INSYN2A: variants seen among roughly 807,000 people sequenced by gnomAD.
INSYN2A encodes the protein inhibitory synaptic factor 2A.
In INSYN2A, 17 loss-of-function variants were observed where a neutral mutation model predicts 39.4. The observed-to-expected ratio is 0.43, with a 90% CI of 0.30 to 0.65. INSYN2A has a LOEUF of 0.65. Among genes scored for constraint, INSYN2A ranks in the 30% least tolerant of loss-of-function variants. INSYN2A has a pLI of 0.14. For synonymous variants in INSYN2A, 255 were observed against 265.7 expected (o/e 0.96, Z 0.39); for missense variants, 595 against 631.2 (o/e 0.94, Z 0.61).
chr10:127,156,874 A>G (rs2053138753), intron 4 of INSYN2A, among the ~76,000 whole-genome samples: 1 of 152,080 alleles, frequency 6.6e-6, no homozygotes, highest in Non-Finnish European at 1.5e-5. Context: ...GGCCCGAGAT[A>G]TTGCTCTTCT....
At chr10:127,157,365 T>G (rs1334418) in intron 4 of INSYN2A, among the ~76,000 whole-genome samples, 1 of 151,852 alleles carries the variant, frequency 6.6e-6, no homozygotes, top group Admixed American at 6.6e-5. Flanking sequence ...CAGGTGAGAG[T>G]GGGGAGAGAT....
chr10:127,192,868 G>A (rs1213373705), intron 1 of INSYN2A, 138 bp from the exon 2 acceptor site: 1 of 152,166 alleles, frequency 6.6e-6, no homozygotes, highest in East Asian at 1.9e-4. Flanking sequence ...GTTCCTGCAA[G>A]TCTGTATTCT....
intron 4 of INSYN2A, among the ~76,000 whole-genome samples, chr10:127,174,740 A>T (rs1458995917): frequency 6.6e-6 from 1 of 152,182 alleles, no homozygotes. Context: ...TATTATTTCA[A>T]TTATTTATTA....
At chr10:127,164,872 T>C (rs1348428273) in intron 4 of INSYN2A, among the ~76,000 whole-genome samples, 1 of 152,306 alleles carries the variant, frequency 6.6e-6, no homozygotes, top group East Asian at 1.9e-4. Context: ...ATGACAATGA[T>C]ACAAACAAGT....
At chr10:127,144,698 C>T (rs2051622658) in intron 5 of INSYN2A, among the ~76,000 whole-genome samples, 1 of 152,050 alleles carries the variant, frequency 6.6e-6, no homozygotes, top group Admixed American at 6.5e-5. Flanking sequence ...GGATCTCATC[C>T]TAATAGTTTA....
At chr10:127,155,204 C>T (rs2052920599) in intron 4 of INSYN2A, among the ~76,000 whole-genome samples, 1 of 152,156 alleles carries the variant, frequency 6.6e-6, no homozygotes, top group South Asian at 2.1e-4. Context: ...GTAAACTTCT[C>T]TGCATCATGG....
In INSYN2A at chr10:127,175,039, T is replaced by A. The variant is rs2054952382; in HGVS notation, c.1184+173A>T. Among the ~76,000 whole-genome samples, 1 of 152,050 alleles carries A rather than the reference T, an allele frequency of 6.6e-6. No homozygotes were observed. The highest frequency in any genetic ancestry group is 1.5e-5 in the Non-Finnish European group (1 of 67,992). ...GCGTATCGTGCAGGATGCAGTGACG[T>A]CTAGTATCATAAAATAATCTGCGAC... is the stretch of plus-strand genomic sequence containing the variant. On this transcript the variant is annotated intron_variant, in intron 4 of 5. Coordinates refer to ENST00000522781, the MANE Select transcript of INSYN2A (RefSeq NM_001039762.3). The surrounding 1 kb of genome is among the most constrained non-coding windows in gnomAD (Gnocchi z 6.3).
At chr10:127,151,081 T>C (rs2052440640) in intron 5 of INSYN2A, among the ~76,000 whole-genome samples, 1 of 152,230 alleles carries the variant, frequency 6.6e-6, no homozygotes, top group Non-Finnish European at 1.5e-5. Context: ...GGACCAGAAG[T>C]GAACTTTCAC....
chr10:127,137,802 TA>T lies in INSYN2A; in HGVS notation c.*34del, dbSNP rs1398635417. 1 of 1,586,332 alleles carries T rather than the reference TA, an allele frequency of 6.3e-7. No homozygotes were observed. The highest frequency in any genetic ancestry group is 1.8e-5 in the Admixed American group (1 of 55,294). On this transcript the variant is annotated 3_prime_UTR_variant, in exon 6 of 6. Transcript: ENST00000522781. Reference sequence around the variant, plus strand: ...TATTGACTTAAACTCCAGTGGGTTCTAAAGACGGCCTCGAGACTCCAGACAC... The same window carrying T: ...TATTGACTTAAACTCCAGTGGGTTCTAAGACGGCCTCGAGACTCCAGACAC...
At chr10:127,181,872 T>C (rs2133973918) in intron 2 of INSYN2A, among the ~76,000 whole-genome samples, 2 of 152,332 alleles carry the variant, frequency 1.3e-5, no homozygotes, top group Middle Eastern at 6.8e-3. Flanking sequence ...AGTCCTCTTT[T>C]CCTTGGGGCA....
chr10:127,145,320 T>G (rs2133360152), intron 5 of INSYN2A, among the ~76,000 whole-genome samples: 1 of 152,288 alleles, frequency 6.6e-6, no homozygotes, highest in African/African-American at 2.4e-5. Context: ...ACCCCATGAC[T>G]AACAGCACCG....
intron 5 of INSYN2A, among the ~76,000 whole-genome samples, chr10:127,143,176 T>C (rs937383843): frequency 1.3e-5 from 2 of 152,236 alleles, no homozygotes; most frequent in Admixed American, 6.5e-5. Flanking sequence ...AGGAACACAT[T>C]TTTAAAGTTG....
intron 4 of INSYN2A, among the ~76,000 whole-genome samples, chr10:127,174,454 C>T (rs1203401430): frequency 6.6e-6 from 1 of 152,200 alleles, no homozygotes; most frequent in African/African-American, 2.4e-5. Context: ...ACCTTTAGGT[C>T]ATTTGTTTTT....
chr10:127,140,638 A>AAGTCTCTGGGTTGAGTTTGATACACCG lies in INSYN2A; in HGVS notation c.1257-2619_1257-2618insCGGTGTATCAAACTCAACCCAGAGACT. On this transcript the variant is annotated intron_variant, in intron 5 of 5. Transcript: ENST00000522781. ...GTCTCTCGGTTGAGTTTGACACACC[A>AAGTCTCTGGGTTGAGTTTGATACACCG]AGTCTCTGGGTTGAGTTTGACACAC... 5.4e-5 allele frequency among the ~76,000 whole-genome samples: 8 copies of AAGTCTCTGGGTTGAGTTTGATACACCG among 147,168 alleles called. 1 individual carries two copies. The South Asian group carries it at 1.8e-3, about 34-fold the overall frequency.
chr10:127,171,599 T>C lies in INSYN2A; in HGVS notation c.1184+3613A>G, dbSNP rs1032624563. 2.6e-5 allele frequency among the ~76,000 whole-genome samples: 4 copies of C among 152,194 alleles called. No individual in the cohort carries two copies. The East Asian group carries it at 5.8e-4, about 22-fold the overall frequency. Reference sequence around the variant, plus strand: ...TGTTGGAAGCCCCTGTATGCTTTATTGGGGTGGCAAGTGGGGAGAGGAACT... The same window carrying C: ...TGTTGGAAGCCCCTGTATGCTTTATCGGGGTGGCAAGTGGGGAGAGGAACT... On this transcript the variant is annotated intron_variant, in intron 4 of 5. Transcript: ENST00000522781.
chr10:127,176,810 A>G lies in INSYN2A; in HGVS notation c.-6+67T>C, dbSNP rs777325618. On this transcript the variant is annotated intron_variant, in intron 3 of 5. Transcript: ENST00000522781. The surrounding 1 kb of genome is among the most constrained non-coding windows in gnomAD (Gnocchi z 4.4). ...TACTTATTTGGTTTGCGTTTTGACT[A>G]TTTTTTGAGGATGACGTCATTAATC... The G allele has an allele frequency of 4.4e-4, 71 of 160,686 alleles. No individual in the cohort carries two copies. The highest frequency in any genetic ancestry group is 1.9e-4 in the Admixed American group (3 of 16,102). The allele number at this position is 160,686 out of a possible 1,614,324, so 10.0% of individuals were successfully genotyped here.
At chr10:127,155,264 A>G (rs1330328123) in intron 4 of INSYN2A, among the ~76,000 whole-genome samples, 1 of 151,980 alleles carries the variant, frequency 6.6e-6, no homozygotes, top group African/African-American at 2.4e-5. Flanking sequence ...TGTCTGTTAC[A>G]TCAACATTTG....
At chr10:127,195,726 C>G (rs1232675878) in intron 1 of INSYN2A, among the ~76,000 whole-genome samples, 2 of 152,196 alleles carry the variant, frequency 1.3e-5, no homozygotes, top group Admixed American at 6.5e-5. Flanking sequence ...TCCTCCCTGA[C>G]GTCGCCAAAG....
intron 2 of INSYN2A, 84 bp downstream of exon 2, chr10:127,192,521 A>C (rs796868009): frequency 1.3e-5 from 2 of 152,202 alleles, no homozygotes; most frequent in Non-Finnish European, 2.9e-5. Context: ...ATACACCTCA[A>C]AGTCCCTCAA....
Sources: allele counts gnomAD v4.1 joint callset (sites outside exome capture counted in the v4.1 genomes callset), GRCh38; gene constraint gnomAD v4.1.1; non-coding constraint Gnocchi (gnomAD v3.1); transcripts MANE v1.5; gene names NCBI Gene and HGNC (gene_info 2026-07-23, HGNC 2026-07-21).